The following BEAN1 variants were observed in gnomAD, a reference collection of about 807,000 sequenced individuals.
The protein encoded by BEAN1 is brain expressed associated with NEDD4 1.
In BEAN1, 17 loss-of-function variants were observed where a neutral mutation model predicts 17.7. The observed-to-expected ratio is 0.96, with a 90% CI of 0.66 to 1.44. The LOEUF (loss-of-function observed/expected upper bound fraction) is 1.44. Among genes scored for constraint, BEAN1 ranks in the 40% most tolerant of loss-of-function variants. The pLI is 0.00. For synonymous variants in BEAN1, 142 were observed against 151.8 expected (o/e 0.94, Z 0.47); for missense variants, 359 against 374.1 (o/e 0.96, Z 0.33).
At chr16:66,455,285 A>T (rs1262510885) in intron 2 of BEAN1, among the ~76,000 whole-genome samples, 1 of 152,216 alleles carries the variant, frequency 6.6e-6, no homozygotes, top group East Asian at 1.9e-4. Flanking sequence ...AACACCCCCA[A>T]ATCAGGATGA....
rs1567478209 is a variant in BEAN1 at position 66,430,099 on chromosome 16, G to A, written c.-83+2668G>A. On this transcript the variant is annotated intron_variant, in intron 1 of 4. Coordinates refer to ENST00000536005, the MANE Select transcript of BEAN1 (RefSeq NM_001178020.3). ...TGGAGCTGGACCGCCTGGGTTTATA[G>A]CATGTGGTTCTGGGAAGGTGACTTA... Among the ~76,000 whole-genome samples, 3 of 152,178 alleles carry A rather than the reference G, an allele frequency of 2.0e-5. No homozygotes were observed. The South Asian group carries it at 6.2e-4, about 32-fold the overall frequency.
Position 66,481,053 on chromosome 16 carries a change from T to G in BEAN1, c.*128T>G, listed in dbSNP as rs1963970229. On this transcript the variant is annotated 3_prime_UTR_variant, in exon 5 of 5. Coordinates refer to ENST00000536005, the MANE Select transcript of BEAN1 (RefSeq NM_001178020.3). This position sits in a 1 kb window ranked among gnomAD's most constrained non-coding sequence, Gnocchi z 4.1. ...AACACACACATAGACCAAACTTGTA[T>G]ACACACAGACATCTACACTGACATA... is the stretch of plus-strand genomic sequence containing the variant. 1 of 688,158 alleles carries G rather than the reference T, an allele frequency of 1.5e-6. No homozygotes were observed. Among genetic ancestry groups the G allele is most frequent in the East Asian group, 3.1e-5 (1 of 32,414 alleles). The allele number at this position is 688,158 out of a possible 1,614,324, so 42.6% of individuals were successfully genotyped here.
At chr16:66,463,726 A>G (rs528066083) in intron 2 of BEAN1, among the ~76,000 whole-genome samples, 10 of 152,118 alleles carry the variant, frequency 6.6e-5, no homozygotes, top group Non-Finnish European at 1.5e-4. Context: ...ATGACAACTT[A>G]CCCCTATGTT....
At chr16:66,483,086 C>T (rs561920148), downstream of BEAN1, 1 of 344,128 alleles carries the variant, frequency 2.9e-6, no homozygotes, top group African/African-American at 2.2e-5. Flanking sequence ...AGTTGAAACT[C>T]CTGGTCTCAA....
intron 4 of BEAN1, among the ~76,000 whole-genome samples, chr16:66,490,368 G>A (rs1964148357): frequency 1.1e-5 from 1 of 88,820 alleles, no homozygotes. Flanking sequence ...CTGCACTCCA[G>A]CCTGGGCAAC....
chr16:66,495,070 G>A (rs1964227070), downstream of BEAN1, among the ~76,000 whole-genome samples: 1 of 152,186 alleles, frequency 6.6e-6, no homozygotes, highest in Non-Finnish European at 1.5e-5. Context: ...TGCTCTCCCT[G>A]AAACTGAGCA....
chr16:66,483,042 T>C, downstream of BEAN1: 2 of 381,158 alleles, frequency 5.2e-6, no homozygotes, highest in South Asian at 4.0e-5. Flanking sequence ...TTTGAATTTT[T>C]GTAAACACAG....
Position 66,481,098 on chromosome 16 carries a change from T to C in BEAN1, c.*173T>C. Reference sequence around the variant, plus strand: ...GACATACCCCATGTACACACACAGATCTAGACGTGCTCCACATATGTGTGA... The same window carrying C: ...GACATACCCCATGTACACACACAGACCTAGACGTGCTCCACATATGTGTGA... On this transcript the variant is annotated 3_prime_UTR_variant, in exon 5 of 5. Coordinates refer to ENST00000536005, the MANE Select transcript of BEAN1 (RefSeq NM_001178020.3). The surrounding 1 kb of genome is among the most constrained non-coding windows in gnomAD (Gnocchi z 4.1). The C allele has an allele frequency of 1.8e-6, 1 of 545,752 alleles. No individual in the cohort carries two copies. Among genetic ancestry groups the C allele is most frequent in the Non-Finnish European group, 3.1e-6 (1 of 321,218 alleles). The allele number at this position is 545,752 out of a possible 1,614,324, so 33.8% of individuals were successfully genotyped here.
intron 1 of BEAN1, among the ~76,000 whole-genome samples, chr16:66,435,730 G>A (rs937229963): frequency 7.2e-5 from 11 of 152,158 alleles, no homozygotes; most frequent in Non-Finnish European, 1.3e-4. Context: ...CTCATGATCC[G>A]CCTGCCTCGG....
At chr16:66,445,948 C>T (rs929710538) in intron 2 of BEAN1, among the ~76,000 whole-genome samples, 6 of 152,028 alleles carry the variant, frequency 3.9e-5, no homozygotes, top group Admixed American at 6.6e-5. Context: ...TTTGGGAGGC[C>T]GAGGACGATG....
intron 3 of BEAN1, among the ~76,000 whole-genome samples, chr16:66,474,577 G>A (rs1417257021): frequency 2.4e-4 from 13 of 53,990 alleles, no homozygotes; most frequent in African/African-American, 1.2e-3. Flanking sequence ...AGAGAGGGAG[G>A]GAGAGAGGGA....
At chr16:66,431,505 C>T (rs900502222) in intron 1 of BEAN1, among the ~76,000 whole-genome samples, 5 of 152,108 alleles carry the variant, frequency 3.3e-5, no homozygotes, top group Admixed American at 3.3e-4. Context: ...TTAATCCCAC[C>T]ATCGCCCAGA....
At chr16:66,489,875 T>C (rs999529178) in intron 4 of BEAN1, among the ~76,000 whole-genome samples, 13 of 151,890 alleles carry the variant, frequency 8.6e-5, no homozygotes, top group Admixed American at 8.5e-4. Context: ...GGGATGCAGT[T>C]TCTCAATCAA....
At chr16:66,478,720 G>C (rs1001623540) in intron 4 of BEAN1, among the ~76,000 whole-genome samples, 1 of 152,226 alleles carries the variant, frequency 6.6e-6, no homozygotes, top group Non-Finnish European at 1.5e-5. Flanking sequence ...CAGTGGTGTC[G>C]TTACTATTTC....
chr16:66,490,454 T>TAAATA (rs772932259), intron 4 of BEAN1, among the ~76,000 whole-genome samples: 1 of 45,130 alleles, frequency 2.2e-5, no homozygotes, highest in Non-Finnish European at 5.7e-5. Flanking sequence ...TAAAATAAAA[T>TAAATA]AATAAAATAA....
At chr16:66,480,312 C>A (rs1186525481) in intron 4 of BEAN1, among the ~76,000 whole-genome samples, 1 of 152,150 alleles carries the variant, frequency 6.6e-6, no homozygotes, top group African/African-American at 2.4e-5. Flanking sequence ...ACTGCTGTTT[C>A]GAGGCACCGC....
In BEAN1 at chr16:66,431,775, G is replaced by T. The variant is rs558024172; in HGVS notation, c.-83+4344G>T. Among the ~76,000 whole-genome samples, 28 of 150,984 alleles carry T rather than the reference G, an allele frequency of 1.9e-4. No individual in the cohort carries two copies. In the South Asian group the frequency reaches 4.8e-3, roughly 26 times the overall value. On this transcript the variant is annotated intron_variant, in intron 1 of 4. Coordinates refer to ENST00000536005, the MANE Select transcript of BEAN1 (RefSeq NM_001178020.3). ...TTTTTTCCCCAGAAAGTCATCTTTA[G>T]ACTGGACTGAAAGTCTTTATGTTAT...
chr16:66,449,170 T>A (rs1395116479), intron 2 of BEAN1, among the ~76,000 whole-genome samples: 1 of 152,142 alleles, frequency 6.6e-6, no homozygotes, highest in Admixed American at 6.5e-5. Context: ...AGTTGTATGT[T>A]TTCTTTCAGG....
downstream of BEAN1, among the ~76,000 whole-genome samples, chr16:66,494,706 C>A (rs1391067741): frequency 6.6e-6 from 1 of 152,232 alleles, no homozygotes; most frequent in African/African-American, 2.4e-5. Context: ...TTTCTTTCGG[C>A]TAATTTGTTG....
Sources: allele counts gnomAD v4.1 joint callset (sites outside exome capture counted in the v4.1 genomes callset), GRCh38; gene constraint gnomAD v4.1.1; non-coding constraint Gnocchi (gnomAD v3.1); transcripts MANE v1.5; gene names NCBI Gene and HGNC (gene_info 2026-07-23, HGNC 2026-07-21).